The following TAFA5 variants were observed in gnomAD, a reference collection of about 807,000 sequenced individuals.
The protein encoded by TAFA5 is chemokine-like protein TAFA-5.
In TAFA5, 6 loss-of-function variants were observed where a neutral mutation model predicts 15.3. That is an observed-to-expected ratio of 0.39 (90% CI 0.21 to 0.77). The LOEUF (loss-of-function observed/expected upper bound fraction) is 0.77, where lower values mean the gene tolerates loss of function less well. TAFA5 is among the 30% of genes least tolerant of loss of function. The pLI is 0.41. For missense variants in TAFA5, 161 were observed against 193.1 expected, an observed-to-expected ratio of 0.83 and a Z score of 0.98; for synonymous variants, 103 against 80.7, an observed-to-expected ratio of 1.28 and a Z score of -1.48.
chr22:48,573,979 C>G (rs187109887), intron 1 of TAFA5, among the ~76,000 whole-genome samples: 18 of 152,284 alleles, frequency 1.2e-4, no homozygotes, highest in African/African-American at 4.3e-4. Context: ...CTGGGGAGCC[C>G]TGTGCCAGGT....
chr22:48,676,168 C>T (rs1199782102), intron 2 of TAFA5, among the ~76,000 whole-genome samples: 1 of 152,232 alleles, frequency 6.6e-6, no homozygotes, highest in East Asian at 1.9e-4. Flanking sequence ...CCCAGCCTGC[C>T]CAGTCAAAGG....
intron 1 of TAFA5, among the ~76,000 whole-genome samples, chr22:48,513,377 A>G (rs137901027): frequency 6.6e-6 from 1 of 152,338 alleles, no homozygotes; most frequent in Non-Finnish European, 1.5e-5. Flanking sequence ...GGTCCACATG[A>G]AGGGAGGGCT....
chr22:48,554,986 C>T (rs112356968), intron 1 of TAFA5, among the ~76,000 whole-genome samples: 3 of 152,290 alleles, frequency 2.0e-5, no homozygotes, highest in Admixed American at 6.5e-5. Flanking sequence ...GCAATGTAGC[C>T]CCTGAGGCTG....
intron 1 of TAFA5, among the ~76,000 whole-genome samples, chr22:48,599,866 G>A (rs1316291969): frequency 6.6e-6 from 1 of 152,224 alleles, no homozygotes. Context: ...GGCCACAGAT[G>A]CCTCCAGGCT....
chr22:48,621,034 A>C (rs1396767082), intron 1 of TAFA5, among the ~76,000 whole-genome samples: 33 of 15,978 alleles, frequency 2.1e-3, no homozygotes, highest in South Asian at 3.0e-3. Context: ...CTATCCATCC[A>C]CCCTCCCACC....
chr22:48,637,956 G>A (rs977856407), intron 1 of TAFA5, among the ~76,000 whole-genome samples: 7 of 152,126 alleles, frequency 4.6e-5, no homozygotes, highest in Non-Finnish European at 8.8e-5. Context: ...TGTCCTGCCC[G>A]GGGGTCACTG....
At chr22:48,569,767 C>T (rs529343703) in intron 1 of TAFA5, among the ~76,000 whole-genome samples, 50 of 152,312 alleles carry the variant, frequency 3.3e-4, no homozygotes, top group African/African-American at 1.1e-3. Context: ...GCTTGGGTTC[C>T]GGGTACTGGT....
chr22:48,613,116 G>A (rs555768775), intron 1 of TAFA5, among the ~76,000 whole-genome samples: 1 of 152,302 alleles, frequency 6.6e-6, no homozygotes, highest in East Asian at 1.9e-4. Flanking sequence ...CTGTGCTCGG[G>A]AATATGCTAA....
At chr22:48,648,795 T>G (rs1926954867) in intron 2 of TAFA5, among the ~76,000 whole-genome samples, 1 of 151,766 alleles carries the variant, frequency 6.6e-6, no homozygotes, top group South Asian at 2.1e-4. Flanking sequence ...GCCACTGCAC[T>G]CCAGCCTGGG....
chr22:48,573,131 G>A (rs983205386), intron 1 of TAFA5, among the ~76,000 whole-genome samples: 3 of 152,168 alleles, frequency 2.0e-5, no homozygotes, highest in Non-Finnish European at 4.4e-5. Flanking sequence ...GGGTTTGGGG[G>A]AAGACACACC....
At chr22:48,584,918 C>T (rs1399565184) in intron 1 of TAFA5, among the ~76,000 whole-genome samples, 1 of 150,112 alleles carries the variant, frequency 6.7e-6, no homozygotes, top group Admixed American at 6.7e-5. Flanking sequence ...ACACACCACA[C>T]ACACACACAC....
intron 2 of TAFA5, among the ~76,000 whole-genome samples, chr22:48,676,413 T>C (rs1402887841): frequency 6.6e-6 from 1 of 152,126 alleles, no homozygotes; most frequent in Non-Finnish European, 1.5e-5. Context: ...AAAGGAGGCA[T>C]TGGAGGGAGG....
chr22:48,700,586 G>A (rs964320706), intron 2 of TAFA5, among the ~76,000 whole-genome samples: 6 of 145,592 alleles, frequency 4.1e-5, no homozygotes, highest in South Asian at 2.1e-4. Context: ...CTTCTCCCTC[G>A]GGAGTGGGGG....
chr22:48,590,860 T>C (rs1192860646), intron 1 of TAFA5, among the ~76,000 whole-genome samples: 1 of 151,972 alleles, frequency 6.6e-6, no homozygotes, highest in Non-Finnish European at 1.5e-5. Flanking sequence ...CTTTTTTTTT[T>C]TTTCTTTTTG....
chr22:48,582,040 C>A (rs1924066361), intron 1 of TAFA5, among the ~76,000 whole-genome samples: 1 of 152,078 alleles, frequency 6.6e-6, no homozygotes, highest in Non-Finnish European at 1.5e-5. Context: ...TCCTTTGAGA[C>A]CAACCATGGG....
rs1265121546 is a variant in TAFA5 at position 48,583,261 on chromosome 22, T to TACACACACCACACACCAC, written c.113-63330_113-63313dup. The stretch of plus-strand genomic sequence containing the variant: ...CACACCGCACACACACCACACACTA[T>TACACACACCACACACCAC]ACACACACCACACACCACACACAAA... On this transcript the variant is annotated intron_variant, in intron 1 of 3. Coordinates refer to ENST00000402357, the MANE Select transcript of TAFA5 (RefSeq NM_001082967.3). Among the ~76,000 whole-genome samples, 15 of 32,970 alleles carry TACACACACCACACACCAC rather than the reference T, an allele frequency of 4.5e-4. 1 individual carries two copies. Among genetic ancestry groups the TACACACACCACACACCAC allele is most frequent in the Non-Finnish European group, 9.1e-4 (14 of 15,458 alleles). 21.6% of individuals were successfully genotyped at this position (32,970 alleles called of 152,430 possible). A position where few individuals can be genotyped will look rare whatever the true frequency, so the allele number is the denominator to read the frequency against.
chr22:48,562,864 C>T lies in TAFA5; in HGVS notation c.112+73160C>T, dbSNP rs552309530. On this transcript the variant is annotated intron_variant, in intron 1 of 3. Coordinates refer to ENST00000402357, the MANE Select transcript of TAFA5 (RefSeq NM_001082967.3). ...CTTTGGAAAACTCCCCCAAACCACA[C>T]GGGGCCCCACTTGACAGCTCGGAGA... Among the ~76,000 whole-genome samples the T allele has an allele frequency of 3.3e-4, 51 of 152,310 alleles. No individual in the cohort carries two copies. In the South Asian group the frequency reaches 9.1e-3, roughly 27 times the overall value.
chr22:48,671,086 C>T (rs1044217204), intron 2 of TAFA5, among the ~76,000 whole-genome samples: 10 of 152,128 alleles, frequency 6.6e-5, no homozygotes, highest in East Asian at 1.9e-4. Flanking sequence ...TAGACTGTGC[C>T]GTATGCTCAC....
intron 1 of TAFA5, among the ~76,000 whole-genome samples, chr22:48,538,230 C>A (rs1011352486): frequency 2.0e-5 from 3 of 151,910 alleles, no homozygotes; most frequent in African/African-American, 7.3e-5. Flanking sequence ...TCGCTGCCAG[C>A]TCCTGGTTTA....
Sources: gnomAD v4.1 joint callset for allele counts (sites outside exome capture counted in the v4.1 genomes callset) on GRCh38, gnomAD v4.1.1 for gene constraint, MANE v1.5 for transcripts, NCBI Gene and HGNC (gene_info 2026-07-23, HGNC 2026-07-21) for gene names.